Variants in ABCG1 observed in about 807,000 individuals in gnomAD.
ABCG1 encodes ATP binding cassette subfamily G member 1, also known as ATP-binding cassette sub-family G member 1.
Under a neutral mutation model 69.2 loss-of-function variants are expected in ABCG1, and 29 were observed. The observed-to-expected ratio is 0.42, with a 90% CI of 0.31 to 0.57. The LOEUF (loss-of-function observed/expected upper bound fraction) is 0.57. ABCG1 is among the 20% of genes least tolerant of loss of function. ABCG1 has a pLI of 0.15. For missense variants in ABCG1, 718 were observed against 898.1 expected (o/e 0.80, Z 2.56); for synonymous variants, 370 against 374.8 (o/e 0.99, Z 0.15).
intron 2 of ABCG1, among the ~76,000 whole-genome samples, chr21:42,253,629 G>T (rs1259668045): frequency 6.6e-6 from 1 of 152,136 alleles, no homozygotes; most frequent in Non-Finnish European, 1.5e-5. Context: ...GAACCCTAAA[G>T]GGAAACCGCA....
At chr21:42,210,959 C>CTTCTTCTTCTTCTTTT (rs772743532) in intron 2 of ABCG1, among the ~76,000 whole-genome samples, 1 of 137,382 alleles carries the variant, frequency 7.3e-6, no homozygotes, top group African/African-American at 2.7e-5. Flanking sequence ...TTTCTTTCTT[C>CTTCTTCTTCTTCTTTT]TTTTTTTTTT....
intron 2 of ABCG1, among the ~76,000 whole-genome samples, chr21:42,248,902 CAAAAAAAAAAA>C (rs71332356): frequency 5.5e-5 from 5 of 91,078 alleles, no homozygotes; most frequent in Non-Finnish European, 1.1e-4. Flanking sequence ...AGACCTCTCT[CAAAAAAAAAAA>C]AAAAAAAGAG....
chr21:42,254,409 G>A (rs1194696562), intron 2 of ABCG1, among the ~76,000 whole-genome samples: 1 of 152,188 alleles, frequency 6.6e-6, no homozygotes, highest in Non-Finnish European at 1.5e-5. Context: ...CCTGTCCTTT[G>A]CACACTAGTG....
intron 2 of ABCG1, among the ~76,000 whole-genome samples, chr21:42,244,230 A>G (rs1364780698): frequency 6.6e-6 from 1 of 152,082 alleles, no homozygotes. Flanking sequence ...GGGGGTGGAG[A>G]GGGCATCCTA....
In ABCG1 at chr21:42,221,203, A is replaced by G. The variant is rs539168656; in HGVS notation, c.42+1899A>G. On this transcript the variant is annotated intron_variant, in intron 1 of 14. Transcript: ENST00000398449. ...CAGCTGTCCCACCCTGAAAGCAATA[A>G]TCTGATGGTAGAAGCTAAGCAGAGT... The G allele has an allele frequency of 2.6e-5, 4 of 152,356 alleles. No homozygotes were observed. In the South Asian group the frequency reaches 8.3e-4, roughly 32 times the overall value. 9.4% of individuals were successfully genotyped at this position (152,356 alleles called of 1,614,324 possible).
chr21:42,211,274 T>C (rs1021704603), upstream of ABCG1, among the ~76,000 whole-genome samples: 1 of 152,154 alleles, frequency 6.6e-6, no homozygotes, highest in African/African-American at 2.4e-5. Context: ...TTCCCATTTC[T>C]TTCAAATGAA....
upstream of ABCG1, chr21:42,219,139 C>T: frequency 4.3e-6 from 4 of 927,738 alleles, no homozygotes; most frequent in Non-Finnish European, 4.1e-6. The surrounding 1 kb of genome is among the most constrained non-coding windows in gnomAD (Gnocchi z 5.3). Context: ...GGATCCCAGC[C>T]GGAGCCCAAG....
At chr21:42,243,966 C>T (rs113877004) in intron 2 of ABCG1, among the ~76,000 whole-genome samples, 4,119 of 151,856 alleles carry the variant, frequency 0.027, 110 homozygotes, top group Middle Eastern at 0.051. Context: ...CTACAGGCGC[C>T]CGCCACCACG....
intron 2 of ABCG1, among the ~76,000 whole-genome samples, chr21:42,261,367 G>T (rs2068410016): frequency 6.6e-6 from 1 of 152,216 alleles, no homozygotes; most frequent in South Asian, 2.1e-4. Flanking sequence ...CCTGGATGTG[G>T]GGTGACGGGA....
intron 2 of ABCG1, among the ~76,000 whole-genome samples, chr21:42,234,796 G>T (rs138793961): frequency 6.6e-6 from 1 of 151,822 alleles, no homozygotes; most frequent in African/African-American, 2.4e-5. Flanking sequence ...CAGCGCTGCC[G>T]GAGCCCCTCG....
chr21:42,258,997 A>G (rs550972719), intron 2 of ABCG1, among the ~76,000 whole-genome samples: 215 of 152,328 alleles, frequency 1.4e-3, no homozygotes, highest in African/African-American at 5.1e-3. Flanking sequence ...CCTTGAGGGC[A>G]TAGCCAGTGC....
intron 7 of ABCG1, among the ~76,000 whole-genome samples, chr21:42,285,540 AGGT>A (rs201321667): frequency 0.017 from 2,534 of 152,224 alleles, 38 homozygotes; most frequent in Non-Finnish European, 0.024. Flanking sequence ...AAAAAAACTT[AGGT>A]TTTGATATTA....
intron 2 of ABCG1, among the ~76,000 whole-genome samples, chr21:42,228,865 G>A (rs1245792617): frequency 6.6e-6 from 1 of 152,222 alleles, no homozygotes. Context: ...CGTCCAGTTG[G>A]CTCCAAACTT....
At chr21:42,255,136 T>C (rs1352467556) in intron 2 of ABCG1, among the ~76,000 whole-genome samples, 1 of 152,284 alleles carries the variant, frequency 6.6e-6, no homozygotes, top group Non-Finnish European at 1.5e-5. Context: ...AAATGCTTCA[T>C]GCCTGACAGG....
In ABCG1 at chr21:42,206,351, A is replaced by AAAATAAATAAAT. The variant is rs79957854; in HGVS notation, c.48+4652_48+4663dup. Among the ~76,000 whole-genome samples the AAAATAAATAAAT allele has an allele frequency of 5.0e-3, 743 of 149,128 alleles. 5 individuals carry two copies. Among genetic ancestry groups the AAAATAAATAAAT allele is most frequent in the African/African-American group, 0.013 (528 of 40,370 alleles). On this transcript the variant is annotated intron_variant, in intron 2 of 15. Coordinates refer to the ABCG1 transcript ENST00000398457. ...GGTGACAGAGGGAGACTCTGTCTCAAAAATAAATAAATAAATAAATAAATA... is the reference window on the plus strand; with the variant it reads ...GGTGACAGAGGGAGACTCTGTCTCAAAAATAAATAAATAAATAAATAAATAAATAAATAAATA...
rs1004090274 is a variant in ABCG1, at chr21:42,276,441, G to A, written c.538-454G>A. The A allele has an allele frequency of 6.3e-6, 1 of 158,150 alleles. No homozygotes were observed. Among genetic ancestry groups the A allele is most frequent in the African/African-American group, 2.4e-5 (1 of 41,642 alleles). 9.8% of individuals were successfully genotyped at this position (158,150 alleles called of 1,614,324 possible). ...GCCTGGGGCTTTCTTACCTCTAAAT[G>A]GCCCACATCTGACTTCTCTCCTGGG... is the stretch of plus-strand genomic sequence containing the variant. On this transcript the variant is annotated intron_variant, in intron 4 of 14. Coordinates refer to ENST00000398449, the MANE Select transcript of ABCG1 (RefSeq NM_016818.3). The surrounding 1 kb of genome is among the most constrained non-coding windows in gnomAD (Gnocchi z 5.3).
chr21:42,200,118 G>A (rs1044778866), intron 1 of ABCG1, among the ~76,000 whole-genome samples: 1 of 152,214 alleles, frequency 6.6e-6, no homozygotes, highest in Non-Finnish European at 1.5e-5. Context: ...GGGACCCTGA[G>A]GACTTGGGGT....
chr21:42,281,882 C>G lies in ABCG1; in HGVS notation c.589-392C>G, dbSNP rs1432256146. On this transcript the variant is annotated intron_variant, in intron 5 of 14. Transcript: ENST00000398449. ...GAAATTGTGCATCCTCTCATGTGTCCATTCATCAAGTATTGACTGGACACC... is the reference window on the plus strand; with the variant it reads ...GAAATTGTGCATCCTCTCATGTGTCGATTCATCAAGTATTGACTGGACACC... Among the ~76,000 whole-genome samples, 5 of 152,236 alleles carry G rather than the reference C, an allele frequency of 3.3e-5. No homozygotes were observed. The East Asian group carries it at 9.6e-4, about 29-fold the overall frequency.
chr21:42,265,982 G>T (rs2068498209), intron 2 of ABCG1, among the ~76,000 whole-genome samples: 1 of 152,162 alleles, frequency 6.6e-6, no homozygotes, highest in Non-Finnish European at 1.5e-5. Flanking sequence ...CTTGCTCTTG[G>T]TTTTGCTTTG....
Sources: gnomAD v4.1 joint callset for allele counts (sites outside exome capture counted in the v4.1 genomes callset) on GRCh38, gnomAD v4.1.1 for gene constraint, Gnocchi (gnomAD v3.1) non-coding constraint, MANE v1.5 for transcripts, NCBI Gene and HGNC (gene_info 2026-07-23, HGNC 2026-07-21) for gene names.